Variants in MRTFB observed in about 807,000 individuals in gnomAD.
MRTFB encodes the protein myocardin-related transcription factor B.
In MRTFB, 29 loss-of-function variants were observed where a neutral mutation model predicts 104.2. The ratio of observed to expected loss-of-function variants is 0.28; its 90% confidence interval spans 0.21 to 0.38. The LOEUF is 0.38. Ranked by LOEUF, MRTFB falls within the 10% of genes least tolerant of loss-of-function variation. MRTFB has a pLI of 1.00. For missense variants in MRTFB, 1,270 were observed against 1,341.6 expected (o/e 0.95, Z 0.83); for synonymous variants, 535 against 519.5 (o/e 1.03, Z -0.41).
At chr16:14,161,616 T>C (rs1314838452) in intron 3 of MRTFB, among the ~76,000 whole-genome samples, 2 of 152,164 alleles carry the variant, frequency 1.3e-5, no homozygotes, top group African/African-American at 2.4e-5. Flanking sequence ...TTAAGAACTC[T>C]TGTGTACCAA....
intron 3 of MRTFB, among the ~76,000 whole-genome samples, chr16:14,144,992 A>G (rs1408663806): frequency 1.9e-5 from 2 of 106,058 alleles, no homozygotes; most frequent in African/African-American, 7.2e-5. Context: ...ATATATATAT[A>G]TATGTATATA....
chr16:14,259,732 G>GCAA (rs1405804143), intron 16 of MRTFB, among the ~76,000 whole-genome samples: 1 of 152,048 alleles, frequency 6.6e-6, no homozygotes, highest in African/African-American at 2.4e-5. Flanking sequence ...GCCAGGCTTG[G>GCAA]CAACAGTGCA....
At chr16:14,127,791 A>AATAT (rs1033642563) in intron 2 of MRTFB, among the ~76,000 whole-genome samples, 1 of 148,912 alleles carries the variant, frequency 6.7e-6, no homozygotes, top group Admixed American at 6.7e-5. Context: ...AGCAAAAGTG[A>AATAT]ATATATATAT....
chr16:14,078,594 A>ATT (rs538876907), intron 1 of MRTFB, among the ~76,000 whole-genome samples: 17 of 140,722 alleles, frequency 1.2e-4, no homozygotes, highest in African/African-American at 2.9e-4. Flanking sequence ...CTCCTGGCAA[A>ATT]TTTTTTTTTT....
At chr16:14,215,892 C>A (rs1194993724) in intron 6 of MRTFB, among the ~76,000 whole-genome samples, 1 of 152,174 alleles carries the variant, frequency 6.6e-6, no homozygotes, top group African/African-American at 2.4e-5. Context: ...CAATCTTTTT[C>A]TCAAATTTCT....
chr16:14,074,500 C>A (rs1038129257), intron 1 of MRTFB, among the ~76,000 whole-genome samples: 1 of 152,084 alleles, frequency 6.6e-6, no homozygotes, highest in Non-Finnish European at 1.5e-5. Context: ...ATGCACATAT[C>A]TCTGATTTGT....
intron 1 of MRTFB, among the ~76,000 whole-genome samples, chr16:14,072,910 A>G (rs1308990671): frequency 6.6e-6 from 1 of 152,188 alleles, no homozygotes; most frequent in Non-Finnish European, 1.5e-5. Context: ...ACTCGAAGGG[A>G]CAATACTGGC....
chr16:14,246,530 C>T lies in MRTFB; in HGVS notation c.1270C>T (p.Pro424Ser). The change falls in exon 12 of 17, where the codon CCG becomes TCG. Residue 424 changes from proline to serine, a missense_variant. By Grantham distance (74) the Pro-to-Ser change is moderately conservative. Around this residue, in one of 3 missense-constraint regions of MRTFB, gnomAD observed 1,144 missense variants for 1,131.5 expected, o/e 1.01. Transcript: ENST00000571589. ...GGGTCTGCCAGTGTCAGGCACCAAACCGGACCTCATTGAGCGCCTAAAACC... is the reference window on the plus strand; with the variant it reads ...GGGTCTGCCAGTGTCAGGCACCAAATCGGACCTCATTGAGCGCCTAAAACC... ...LRGLPVSGTK[P>S]DLIERLKPYQ... 1 of 1,614,208 alleles carries T rather than the reference C, an allele frequency of 6.2e-7. No homozygotes were observed.
At chr16:14,033,852 A>AAG in the MRTFB span, among the ~76,000 whole-genome samples, 2 of 146,332 alleles carry the variant, frequency 1.4e-5, no homozygotes, top group African/African-American at 5.0e-5. Context: ...AAAAAAAAAA[A>AAG]AAGAAGAAGA....
intron 15 of MRTFB, 136 bp from the exon 16 acceptor site, chr16:14,257,965 A>C (rs1335200692): frequency 2.8e-6 from 2 of 709,076 alleles, no homozygotes; most frequent in Non-Finnish European, 4.7e-6. Flanking sequence ...TTAACTTCTC[A>C]GGTGACCTCA....
chr16:14,003,658 C>CT, the MRTFB span, among the ~76,000 whole-genome samples: 2 of 149,374 alleles, frequency 1.3e-5, no homozygotes, highest in African/African-American at 5.1e-5. Context: ...CCCTCCCTCC[C>CT]TCCCTCCCTC....
At chr16:14,023,637 A>G in the MRTFB span, among the ~76,000 whole-genome samples, 267 of 126,622 alleles carry the variant, frequency 2.1e-3, 1 homozygote, top group Non-Finnish European at 3.8e-3. Context: ...ATATACATAT[A>G]CATATACATA....
At chr16:14,096,735 A>T (rs2035395819) in intron 2 of MRTFB, among the ~76,000 whole-genome samples, 1 of 152,236 alleles carries the variant, frequency 6.6e-6, no homozygotes, top group Non-Finnish European at 1.5e-5. Context: ...TATGGTACAG[A>T]ATGTTGTCTT....
intron 2 of MRTFB, among the ~76,000 whole-genome samples, chr16:14,127,091 G>A (rs895125107): frequency 2.6e-5 from 4 of 152,090 alleles, no homozygotes; most frequent in Admixed American, 6.5e-5. Flanking sequence ...CCATAGTCAC[G>A]ATTTTTGTAA....
chr16:13,998,871 C>CAAAAAAAAAAAAAAA, the MRTFB span, among the ~76,000 whole-genome samples: 1 of 29,688 alleles, frequency 3.4e-5, no homozygotes, highest in African/African-American at 8.1e-5. Flanking sequence ...GACTCTGTTT[C>CAAAAAAAAAAAAAAA]AAAAAAAAAA....
chr16:14,074,211 T>A (rs1372634147), intron 1 of MRTFB, among the ~76,000 whole-genome samples: 1 of 152,164 alleles, frequency 6.6e-6, no homozygotes, highest in Non-Finnish European at 1.5e-5. Context: ...TATCTAGAGT[T>A]AGAGACATTG....
chr16:14,252,616 A>T, intron 15 of MRTFB, 114 bp downstream of exon 15: 1 of 1,238,386 alleles, frequency 8.1e-7, no homozygotes, highest in Non-Finnish European at 1.1e-6. Context: ...CAATAGAAAT[A>T]CAAAAATAAC....
the MRTFB span, among the ~76,000 whole-genome samples, chr16:14,036,353 G>T: frequency 7.8e-6 from 1 of 128,166 alleles, no homozygotes; most frequent in Non-Finnish European, 1.6e-5. Flanking sequence ...AGTTCCATCT[G>T]GGTGTCTCCT....
the MRTFB span, among the ~76,000 whole-genome samples, chr16:13,995,999 C>T: frequency 3.9e-5 from 6 of 152,074 alleles, no homozygotes; most frequent in South Asian, 2.1e-4. Context: ...CAGCCGGGCA[C>T]GGTGGCTCAT....
Sources: allele counts gnomAD v4.1 joint callset (sites outside exome capture counted in the v4.1 genomes callset), GRCh38; gene constraint gnomAD v4.1.1; regional missense constraint gnomAD v4.1.1; transcripts MANE v1.5; gene names NCBI Gene and HGNC (gene_info 2026-07-23, HGNC 2026-07-21).